The following NUDT3 variants were observed in gnomAD, a reference collection of about 807,000 sequenced individuals.
NUDT3 encodes nudix hydrolase 3, also known as diphosphoinositol polyphosphate phosphohydrolase 1.
In NUDT3, 9 loss-of-function variants were observed where a neutral mutation model predicts 23.6. The ratio of observed to expected loss-of-function variants is 0.38; its 90% CI spans 0.23 to 0.66. The LOEUF is 0.66. Ranked by LOEUF, NUDT3 falls within the 30% of genes least tolerant of loss-of-function variation. NUDT3 has a pLI of 0.52. For missense variants in NUDT3, 172 were observed against 218.5 expected (o/e 0.79, Z 1.34); for synonymous variants, 86 against 82.6 (o/e 1.04, Z -0.22).
At chr6:34,358,709 G>T (rs1764601149) in intron 1 of NUDT3, among the ~76,000 whole-genome samples, 1 of 152,124 alleles carries the variant, frequency 6.6e-6, no homozygotes, top group African/African-American at 2.4e-5. Flanking sequence ...CCTCACAGGG[G>T]GGCCAGAGCT....
chr6:34,334,095 G>T (rs1441313989), intron 2 of NUDT3, among the ~76,000 whole-genome samples: 1 of 152,226 alleles, frequency 6.6e-6, no homozygotes, highest in African/African-American at 2.4e-5. Flanking sequence ...CACCTGTCAC[G>T]AGTGATGCCT....
chr6:34,372,112 A>G (rs1022177268), intron 1 of NUDT3, among the ~76,000 whole-genome samples: 1 of 152,122 alleles, frequency 6.6e-6, no homozygotes, highest in Non-Finnish European at 1.5e-5. Flanking sequence ...CATGGTGTCT[A>G]TGTGCCATAT....
At chr6:34,349,996 G>A (rs1417753628) in intron 1 of NUDT3, among the ~76,000 whole-genome samples, 1 of 150,306 alleles carries the variant, frequency 6.7e-6, no homozygotes, top group Non-Finnish European at 1.5e-5. Context: ...AGGCTAGGCA[G>A]GAGAATGGCG....
At chr6:34,381,845 C>G (rs936717039) in intron 1 of NUDT3, among the ~76,000 whole-genome samples, 1 of 151,896 alleles carries the variant, frequency 6.6e-6, no homozygotes, top group South Asian at 2.1e-4. Flanking sequence ...GAGGCCGAGG[C>G]AGGCAGATCA....
intron 2 of NUDT3, among the ~76,000 whole-genome samples, chr6:34,338,115 G>GCA (rs1764235009): frequency 6.6e-6 from 1 of 152,174 alleles, no homozygotes; most frequent in Non-Finnish European, 1.5e-5. Flanking sequence ...GCCCTTCAGG[G>GCA]TGTGCCTACA....
chr6:34,347,075 A>AT (rs898733016), intron 1 of NUDT3, among the ~76,000 whole-genome samples: 4 of 152,128 alleles, frequency 2.6e-5, no homozygotes, highest in African/African-American at 9.7e-5. Context: ...ACCCACAAAA[A>AT]TTTTTTACTT....
intron 2 of NUDT3, among the ~76,000 whole-genome samples, chr6:34,311,799 T>G (rs1390388917): frequency 6.6e-6 from 1 of 152,156 alleles, no homozygotes; most frequent in African/African-American, 2.4e-5. Flanking sequence ...GACAAAGGAA[T>G]AAGAACGATA....
chr6:34,313,220 A>C (rs987492384), intron 2 of NUDT3, among the ~76,000 whole-genome samples: 2 of 152,138 alleles, frequency 1.3e-5, no homozygotes, highest in African/African-American at 2.4e-5. Flanking sequence ...GAGGAATCTT[A>C]AATGCGTATT....
intron 1 of NUDT3, among the ~76,000 whole-genome samples, chr6:34,348,694 T>C (rs1013163076): frequency 1.3e-5 from 2 of 151,818 alleles, no homozygotes; most frequent in African/African-American, 4.8e-5. Context: ...GAGAATGGTG[T>C]GAACCCGGGA....
At chr6:34,330,319 C>T (rs1764108591) in intron 2 of NUDT3, among the ~76,000 whole-genome samples, 1 of 152,118 alleles carries the variant, frequency 6.6e-6, no homozygotes, top group South Asian at 2.1e-4. Context: ...CTGTTGTTTC[C>T]TGACTTTTTG....
chr6:34,319,699 C>A (rs370571655), intron 2 of NUDT3, among the ~76,000 whole-genome samples: 4 of 152,146 alleles, frequency 2.6e-5, no homozygotes, highest in African/African-American at 9.7e-5. Flanking sequence ...AGTAGGAAAA[C>A]CTAGCAAGGC....
In NUDT3 at chr6:34,284,421, C is replaced by T. The variant is rs749450782; in HGVS notation, c.*4332G>A. The T allele has an allele frequency of 1.3e-4, 20 of 151,900 alleles. No individual in the cohort carries two copies. Among genetic ancestry groups the T allele is most frequent in the Admixed American group, 2.6e-4 (4 of 15,244 alleles). The allele number at this position is 151,900 out of a possible 1,614,324, so 9.4% of individuals were successfully genotyped here. The stretch of plus-strand genomic sequence containing the variant: ...CAGGTATTTCCTGCAATTCTAAATC[C>T]GCCCTTGATATTAGAGAATATTAAA... On this transcript the variant is annotated 3_prime_UTR_variant, in exon 5 of 5. Coordinates refer to ENST00000607016, the MANE Select transcript of NUDT3 (RefSeq NM_006703.4).
In NUDT3 at chr6:34,342,243, G is replaced by C. The variant is rs528999289; in HGVS notation, c.100-271C>G. Among the ~76,000 whole-genome samples, 78 of 140,612 alleles carry C rather than the reference G, an allele frequency of 5.5e-4. No homozygotes were observed. In the South Asian group the frequency reaches 0.01, roughly 18 times the overall value. The allele number at this position is 140,612 out of a possible 152,430, so 92.2% of individuals were successfully genotyped here. On this transcript the variant is annotated intron_variant, in intron 1 of 4. Coordinates refer to ENST00000607016, the MANE Select transcript of NUDT3 (RefSeq NM_006703.4). ...TATTTATCCCCTCCTTGTTCCTTTT[G>C]CTAGAGCCCTTTGAACACAGACCTG... is the stretch of plus-strand genomic sequence containing the variant.
chr6:34,351,221 A>AAAAC (rs1561915160), intron 1 of NUDT3, among the ~76,000 whole-genome samples: 1 of 137,364 alleles, frequency 7.3e-6, no homozygotes, highest in East Asian at 2.1e-4. Flanking sequence ...AAAAAAAAAA[A>AAAAC]AAAAACACTT....
chr6:34,289,062 G>A (rs567070328), intron 4 of NUDT3, 131 bp from the exon 5 acceptor site: 3 of 1,163,632 alleles, frequency 2.6e-6, no homozygotes, highest in East Asian at 2.8e-5. Context: ...AATAACTCAA[G>A]CACACTTCAT....
Position 34,286,164 on chromosome 6 carries a change from C to T in NUDT3, c.*2589G>A, listed in dbSNP as rs2113687327. ...TGGCATGATCTTGGCTTACTGCAAC[C>T]TCTGCCTCCCAGGTTTAAGCAATTC... On this transcript the variant is annotated 3_prime_UTR_variant, in exon 5 of 5. Coordinates refer to ENST00000607016, the MANE Select transcript of NUDT3 (RefSeq NM_006703.4). 6.6e-6 allele frequency: 1 copy of T among 152,234 alleles called. No individual in the cohort carries two copies. The highest frequency in any genetic ancestry group is 1.9e-4 in the East Asian group (1 of 5,202). The allele number at this position is 152,234 out of a possible 1,614,324, so 9.4% of individuals were successfully genotyped here.
intron 2 of NUDT3, among the ~76,000 whole-genome samples, chr6:34,324,225 C>T (rs994782816): frequency 6.6e-6 from 1 of 152,072 alleles, no homozygotes; most frequent in African/African-American, 2.4e-5. Flanking sequence ...TGGTGGCACA[C>T]ACCTCTAATC....
chr6:34,384,110 G>C (rs1765066892), intron 1 of NUDT3, among the ~76,000 whole-genome samples: 1 of 152,196 alleles, frequency 6.6e-6, no homozygotes, highest in African/African-American at 2.4e-5. Flanking sequence ...GGAAGGTGCA[G>C]TCTGCAGAGA....
chr6:34,351,216 A>AAC (rs1424033019), intron 1 of NUDT3, among the ~76,000 whole-genome samples: 4 of 130,732 alleles, frequency 3.1e-5, no homozygotes, highest in African/African-American at 1.3e-4. Context: ...AAAAAAAAAA[A>AAC]AAAAAAAAAA....
Sources: allele counts gnomAD v4.1 joint callset (sites outside exome capture counted in the v4.1 genomes callset), GRCh38; gene constraint gnomAD v4.1.1; transcripts MANE v1.5; gene names NCBI Gene and HGNC (gene_info 2026-07-23, HGNC 2026-07-21).